PRKAR1B: variants seen among roughly 807,000 people sequenced by gnomAD.
PRKAR1B encodes the protein protein kinase cAMP-dependent type I regulatory subunit beta.
PRKAR1B carries 22 observed loss-of-function variants against 46.5 expected under a neutral mutation model. The observed-to-expected ratio is 0.47, with a 90% confidence interval of 0.34 to 0.68. PRKAR1B has a LOEUF of 0.68. Ranked by LOEUF, PRKAR1B falls within the 30% of genes least tolerant of loss-of-function variation. The probability of loss-of-function intolerance (pLI) is 0.01; values close to 1 mark genes in which losing one functional copy is unlikely to be tolerated. For synonymous variants in PRKAR1B, 259 were observed against 217.7 expected (o/e 1.19, Z -1.67); for missense variants, 445 against 535.6 (o/e 0.83, Z 1.67).
At chr7:649,389 T>C (rs2128489148) in intron 4 of PRKAR1B, among the ~76,000 whole-genome samples, 1 of 152,334 alleles carries the variant, frequency 6.6e-6, no homozygotes, top group African/African-American at 2.4e-5. Flanking sequence ...GAACACAAGG[T>C]TATAAGCATC....
At chr7:629,149 G>A (rs1214375405) in intron 4 of PRKAR1B, among the ~76,000 whole-genome samples, 1 of 152,250 alleles carries the variant, frequency 6.6e-6, no homozygotes, top group Admixed American at 6.5e-5. Flanking sequence ...GACAGGGCAC[G>A]TTTTCCAGAG....
intron 9 of PRKAR1B, among the ~76,000 whole-genome samples, chr7:554,022 G>A (rs1784415019): frequency 1.3e-5 from 2 of 152,276 alleles, no homozygotes; most frequent in South Asian, 2.1e-4. Flanking sequence ...GCGCTGGAGA[G>A]AGGGAAGACT....
At chr7:727,304 A>G (rs1168960358), upstream of PRKAR1B, 7 of 1,286,272 alleles carry the variant, frequency 5.4e-6, no homozygotes, top group Admixed American at 2.1e-4. Flanking sequence ...GCCCTGGCGC[A>G]GGCCACGCCC....
chr7:594,897 G>A (rs1562547384), intron 7 of PRKAR1B, among the ~76,000 whole-genome samples: 1 of 152,080 alleles, frequency 6.6e-6, no homozygotes, highest in Non-Finnish European at 1.5e-5. Flanking sequence ...AACTATGAGG[G>A]TCCCCAGACC....
chr7:716,056 T>A (rs1272387979), intron 1 of PRKAR1B, among the ~76,000 whole-genome samples: 1 of 151,270 alleles, frequency 6.6e-6, no homozygotes, highest in South Asian at 2.1e-4. Context: ...AATCTTTTTG[T>A]TGTTGTTTTG....
intron 3 of PRKAR1B, among the ~76,000 whole-genome samples, chr7:679,983 C>A (rs1166328336): frequency 6.6e-6 from 1 of 151,900 alleles, no homozygotes; most frequent in Non-Finnish European, 1.5e-5. Flanking sequence ...ACAGTGAAAC[C>A]CCGTCTTTAC....
At chr7:641,356 C>T (rs1160857743) in intron 4 of PRKAR1B, among the ~76,000 whole-genome samples, 1 of 152,224 alleles carries the variant, frequency 6.6e-6, no homozygotes, top group Non-Finnish European at 1.5e-5. Flanking sequence ...ACGCATAAGG[C>T]TGTTCACGCC....
At chr7:588,822 G>GTGGTGACGGTGGTGA (rs1780798237) in intron 7 of PRKAR1B, among the ~76,000 whole-genome samples, 1 of 52,008 alleles carries the variant, frequency 1.9e-5, no homozygotes, top group African/African-American at 8.0e-5. Flanking sequence ...CACGATGATG[G>GTGGTGACGGTGGTGA]TGGTGATGGT....
chr7:712,099 C>T (rs1460258785), intron 1 of PRKAR1B, among the ~76,000 whole-genome samples: 1 of 151,678 alleles, frequency 6.6e-6, no homozygotes, highest in African/African-American at 2.4e-5. Context: ...GCGGCGGCCG[C>T]GCAGCGAAGT....
At chr7:551,256 A>G in intron 10 of PRKAR1B, 133 bp downstream of exon 10, 2 of 834,746 alleles carry the variant, frequency 2.4e-6, no homozygotes, top group East Asian at 2.7e-5. Context: ...TTGCAGCCAC[A>G]CTGGGGCTCA....
intron 8 of PRKAR1B, among the ~76,000 whole-genome samples, chr7:580,760 A>C (rs9692454): frequency 0.41 from 61,704 of 148,998 alleles, 13,527 homozygotes; most frequent in African/African-American, 0.48. Flanking sequence ...AAAAAAAAAA[A>C]AAACAAACGT....
chr7:640,706 T>C (rs1443762862), intron 4 of PRKAR1B, among the ~76,000 whole-genome samples: 1 of 149,616 alleles, frequency 6.7e-6, no homozygotes, highest in African/African-American at 2.5e-5. Flanking sequence ...GAGGTTGCAG[T>C]GAGCAGAGAT....
chr7:685,339 T>C (rs1376388240), intron 2 of PRKAR1B, among the ~76,000 whole-genome samples: 2 of 82,320 alleles, frequency 2.4e-5, no homozygotes, highest in African/African-American at 1.1e-4. Context: ...TATATATACG[T>C]ATATATATGT....
At chr7:687,348 G>T (rs1028420230) in intron 2 of PRKAR1B, among the ~76,000 whole-genome samples, 1 of 152,178 alleles carries the variant, frequency 6.6e-6, no homozygotes, top group Non-Finnish European at 1.5e-5. Flanking sequence ...AGATGAAATT[G>T]AGAACACTGG....
chr7:621,019 G>A (rs1403308210), intron 4 of PRKAR1B, among the ~76,000 whole-genome samples: 1 of 152,248 alleles, frequency 6.6e-6, no homozygotes, highest in Non-Finnish European at 1.5e-5. Flanking sequence ...CAACACCTAT[G>A]TGACATGTCA....
At chr7:607,509 C>G in intron 4 of PRKAR1B, 57 bp from the exon 5 acceptor site, 1 of 1,415,998 alleles carries the variant, frequency 7.1e-7, no homozygotes. Context: ...CATTTAAACC[C>G]TTCCTCCCCT....
intron 9 of PRKAR1B, among the ~76,000 whole-genome samples, chr7:572,612 A>G (rs1428656126): frequency 1.3e-5 from 2 of 152,188 alleles, no homozygotes; most frequent in Non-Finnish European, 2.9e-5. Context: ...CCTGAGGGAA[A>G]TCAGCTCCCA....
intron 1 of PRKAR1B, among the ~76,000 whole-genome samples, chr7:724,848 C>G (rs563295693): frequency 1.3e-5 from 2 of 152,218 alleles, no homozygotes. Flanking sequence ...GCAGACAGTG[C>G]CTGGTCAAAC....
chr7:718,729 T>C (rs1780970800), intron 1 of PRKAR1B, among the ~76,000 whole-genome samples: 1 of 152,106 alleles, frequency 6.6e-6, no homozygotes, highest in South Asian at 2.1e-4. Context: ...ACTTTTCTTC[T>C]GCCTTCCTGG....
Sources: gnomAD v4.1 joint callset for allele counts (sites outside exome capture counted in the v4.1 genomes callset) on GRCh38, gnomAD v4.1.1 for gene constraint, MANE v1.5 for transcripts, NCBI Gene and HGNC (gene_info 2026-07-23, HGNC 2026-07-21) for gene names.